CCBE1: variants seen among roughly 807,000 people sequenced by gnomAD.
CCBE1 encodes collagen and calcium binding EGF domains 1.
A neutral mutation model predicts 50.0 loss-of-function variants in CCBE1; 37 were observed. That is an observed-to-expected ratio of 0.74 (90% confidence interval 0.57 to 0.97). The LOEUF (loss-of-function observed/expected upper bound fraction) is 0.97. CCBE1 is among the 50% of genes least tolerant of loss of function. The pLI is 0.00. For missense variants in CCBE1, 538 were observed against 523.8 expected, an observed-to-expected ratio of 1.03 and a Z score of -0.26; for synonymous variants, 234 against 203.7, an observed-to-expected ratio of 1.15 and a Z score of -1.27.
intron 2 of CCBE1, among the ~76,000 whole-genome samples, chr18:59,599,955 C>G (rs1045570446): frequency 1.3e-5 from 2 of 152,170 alleles, no homozygotes; most frequent in African/African-American, 4.8e-5. Context: ...ATCCACCATT[C>G]AGAGCAAAAA....
chr18:59,537,456 A>C (rs12960222), intron 2 of CCBE1, among the ~76,000 whole-genome samples: 1 of 151,980 alleles, frequency 6.6e-6, no homozygotes, highest in Non-Finnish European at 1.5e-5. Context: ...AATAAGTCTC[A>C]TGAGACCTGA....
At chr18:59,561,784 G>A (rs1054691971) in intron 2 of CCBE1, among the ~76,000 whole-genome samples, 5 of 152,200 alleles carry the variant, frequency 3.3e-5, no homozygotes, top group Non-Finnish European at 5.9e-5. Context: ...TGCTGACCCT[G>A]AAGGCAAGGG....
rs756875563 is a variant in CCBE1, at chr18:59,455,006, CAG to C, written c.554-57_554-56del. The C allele has an allele frequency of 2.9e-6, 4 of 1,390,468 alleles. No homozygotes were observed. In the Admixed American group the frequency reaches 6.7e-5, roughly 23 times the overall value. The allele number at this position is 1,390,468 out of a possible 1,614,324, so 86.1% of individuals were successfully genotyped here. ...TGGGAGGCTGGATGCAAGCCAGACC[CAG>C]AGAGACAGCATCGGGAAGGGCGGTC... On this transcript the variant is annotated intron_variant, in intron 5 of 10. Transcript: ENST00000439986.
intron 2 of CCBE1, among the ~76,000 whole-genome samples, chr18:59,633,726 G>GGTTT (rs200240632): frequency 1.1e-4 from 17 of 149,284 alleles, no homozygotes; most frequent in African/African-American, 4.1e-4. Flanking sequence ...CTAAATTTAG[G>GGTTT]GTTTGTTTTT....
chr18:59,441,867 C>T (rs1425707217), intron 7 of CCBE1, among the ~76,000 whole-genome samples: 1 of 152,074 alleles, frequency 6.6e-6, no homozygotes, highest in Non-Finnish European at 1.5e-5. Context: ...AATATCGAAC[C>T]ATCTAACATA....
chr18:59,679,879 G>T (rs1473676470), intron 2 of CCBE1, among the ~76,000 whole-genome samples: 8 of 152,116 alleles, frequency 5.3e-5, no homozygotes, highest in Non-Finnish European at 7.4e-5. Context: ...CTTGAGGCGG[G>T]GACGGAGCTT....
intron 2 of CCBE1, among the ~76,000 whole-genome samples, chr18:59,485,416 G>T (rs1328018742): frequency 2.0e-5 from 3 of 151,882 alleles, no homozygotes; most frequent in Admixed American, 2.0e-4. Flanking sequence ...GACTAGAAAA[G>T]AATTTTAAAA....
intron 2 of CCBE1, among the ~76,000 whole-genome samples, chr18:59,490,577 G>C (rs1273788194): frequency 6.6e-6 from 1 of 152,160 alleles, no homozygotes; most frequent in Non-Finnish European, 1.5e-5. Flanking sequence ...GTTCATGAAT[G>C]CATGTTTGGC....
chr18:59,660,358 G>A (rs1476747585), intron 2 of CCBE1, among the ~76,000 whole-genome samples: 2 of 151,818 alleles, frequency 1.3e-5, no homozygotes, highest in Admixed American at 6.6e-5. Context: ...ATTCCTTATA[G>A]CATCCCAATC....
chr18:59,637,719 C>T (rs1369348452), intron 2 of CCBE1, among the ~76,000 whole-genome samples: 3 of 152,096 alleles, frequency 2.0e-5, no homozygotes, highest in African/African-American at 4.8e-5. Context: ...AAATTTTAAA[C>T]TGTGATTTAA....
At chr18:59,671,169 C>T (rs538805848) in intron 2 of CCBE1, among the ~76,000 whole-genome samples, 45 of 152,064 alleles carry the variant, frequency 3.0e-4, no homozygotes, top group African/African-American at 6.8e-4. Context: ...AGGTCCTGAA[C>T]GCTAGGAAAG....
At chr18:59,451,433 TAAAAAAAAAA>T (rs34421089) in intron 6 of CCBE1, among the ~76,000 whole-genome samples, 1 of 99,368 alleles carries the variant, frequency 1.0e-5, no homozygotes, top group Non-Finnish European at 1.9e-5. Context: ...ACAAGCAACT[TAAAAAAAAAA>T]AAAAAAAAAA....
At chr18:59,463,554 T>C (rs1282828448) in intron 5 of CCBE1, among the ~76,000 whole-genome samples, 1 of 152,102 alleles carries the variant, frequency 6.6e-6, no homozygotes, top group Non-Finnish European at 1.5e-5. Context: ...ACAAATAAAC[T>C]CAGCATTTAA....
At chr18:59,649,719 T>C (rs1216708675) in intron 2 of CCBE1, among the ~76,000 whole-genome samples, 2 of 152,236 alleles carry the variant, frequency 1.3e-5, no homozygotes, top group Non-Finnish European at 2.9e-5. Flanking sequence ...TAGTAACCTA[T>C]GCCCTTTTCA....
intron 6 of CCBE1, 152 bp from the exon 7 acceptor site, chr18:59,448,255 G>A: frequency 1.7e-6 from 2 of 1,181,058 alleles, no homozygotes; most frequent in Non-Finnish European, 2.4e-6. Flanking sequence ...ACTATAAAGA[G>A]CCTCTTTCTA....
chr18:59,578,557 T>A (rs1405098427), intron 2 of CCBE1, among the ~76,000 whole-genome samples: 1 of 152,156 alleles, frequency 6.6e-6, no homozygotes, highest in African/African-American at 2.4e-5. Context: ...CAAATGCCCA[T>A]CAATGACAGA....
intron 2 of CCBE1, among the ~76,000 whole-genome samples, chr18:59,614,139 G>A (rs900639429): frequency 6.6e-6 from 1 of 152,068 alleles, no homozygotes; most frequent in South Asian, 2.1e-4. Flanking sequence ...CTGAGTAGCT[G>A]AGATTATAGC....
chr18:59,681,476 T>C (rs1165216302), intron 2 of CCBE1, among the ~76,000 whole-genome samples: 1 of 152,244 alleles, frequency 6.6e-6, no homozygotes, highest in Non-Finnish European at 1.5e-5. Context: ...GCAACTCAAT[T>C]TCTCCTTTTT....
chr18:59,583,670 TGTGTGTGTGTGC>T (rs1312482853), intron 2 of CCBE1, among the ~76,000 whole-genome samples: 25 of 91,590 alleles, frequency 2.7e-4, no homozygotes, highest in African/African-American at 1.1e-3. Flanking sequence ...TGTGTGTGTG[TGTGTGTGTGTGC>T]GCGCGCGCGC....
Sources: gnomAD v4.1 joint callset for allele counts (sites outside exome capture counted in the v4.1 genomes callset) on GRCh38, gnomAD v4.1.1 for gene constraint, MANE v1.5 for transcripts, NCBI Gene and HGNC (gene_info 2026-07-23, HGNC 2026-07-21) for gene names.